NGLY1: variants seen among roughly 807,000 people sequenced by gnomAD.
NGLY1 encodes the protein peptide-N(4)-(N-acetyl-beta-glucosaminyl)asparagine amidase.
Under a neutral mutation model 84.6 loss-of-function variants are expected in NGLY1, and 68 were observed. That is an observed-to-expected ratio of 0.80 (90% confidence interval 0.66 to 0.98). The LOEUF is 0.98. NGLY1 is among the 50% of genes least tolerant of loss of function. NGLY1 has a pLI of 0.00. For missense variants in NGLY1, 779 were observed against 770.2 expected, an observed-to-expected ratio of 1.01 and a Z score of -0.14; for synonymous variants, 280 against 275.2, an observed-to-expected ratio of 1.02 and a Z score of -0.17.
intron 4 of NGLY1, among the ~76,000 whole-genome samples, chr3:25,746,390 C>T (rs151172616): frequency 5.3e-5 from 8 of 152,104 alleles, no homozygotes; most frequent in Non-Finnish European, 8.8e-5. Context: ...ACTTTTTAAG[C>T]GTGAAAGAAT....
chr3:25,755,457 CAAGCCAAAG>C, intron 3 of NGLY1: 1 of 1,466,568 alleles, frequency 6.8e-7, no homozygotes, highest in Non-Finnish European at 9.6e-7. Flanking sequence ...ATGTCAGTGA[CAAGCCAAAG>C]ATTTAACAGT....
chr3:25,760,629 G>A (rs1030343872), intron 3 of NGLY1, among the ~76,000 whole-genome samples: 14 of 152,216 alleles, frequency 9.2e-5, no homozygotes, highest in Non-Finnish European at 1.6e-4. Context: ...GGAGGCCAAG[G>A]TGGGCGGATC....
At chr3:25,746,861 G>A (rs546811567) in intron 4 of NGLY1, among the ~76,000 whole-genome samples, 4 of 152,138 alleles carry the variant, frequency 2.6e-5, no homozygotes, top group East Asian at 3.9e-4. Context: ...ACGGAGTTTC[G>A]CTCTTTTGCC....
rs1168290356 is a variant in NGLY1 at position 25,764,083 on chromosome 3, G to A, written c.475C>T (p.Pro159Ser). The change falls in exon 3 of 12, where the codon CCA becomes TCA. Residue 159 changes from proline (P) to serine (S), a missense_variant. Coordinates refer to ENST00000280700, the MANE Select transcript of NGLY1 (RefSeq NM_018297.4). ...TRNRQGQSSD[P>S]PSASTVAADS... The stretch of plus-strand genomic sequence containing the variant: ...AACATTACCGTTGAAGCAGATGGTG[G>A]ATCTGATGACTGCCCTTGACGGTTC... The A allele has an allele frequency of 1.2e-6, 2 of 1,614,026 alleles. No individual in the cohort carries two copies. The highest frequency in any genetic ancestry group is 2.2e-5 in the East Asian group (1 of 44,898).
At chr3:25,777,432 C>T (rs1476100911) in intron 2 of NGLY1, among the ~76,000 whole-genome samples, 1 of 149,650 alleles carries the variant, frequency 6.7e-6, no homozygotes, top group Non-Finnish European at 1.5e-5. Flanking sequence ...CCAGTGGCTT[C>T]TCATCTCACT....
rs1470787774 is a variant in NGLY1, at chr3:25,732,451, T to C, written c.1293A>G (p.Lys431=). The C allele has an allele frequency of 4.3e-6, 7 of 1,613,282 alleles. No individual in the cohort carries two copies. The highest frequency in any genetic ancestry group is 2.7e-5 in the African/African-American group (2 of 74,888). Residue 431 remains lysine (K), a synonymous_variant, in exon 9 of 12, where the codon AAA becomes AAG. Coordinates refer to ENST00000280700, the MANE Select transcript of NGLY1 (RefSeq NM_018297.4). The part of the protein sequence containing the change: ...RQLFLSENRR[K]ELLQRIIVEL... ...CCACAATTATCCTCTGGAGAAGTTC[T>C]TTCCTTCTGTTTTCTGACAAAAACA...
At chr3:25,727,019 T>C (rs1038474605) in intron 10 of NGLY1, among the ~76,000 whole-genome samples, 3 of 152,164 alleles carry the variant, frequency 2.0e-5, no homozygotes, top group Non-Finnish European at 2.9e-5. Context: ...TGATACCTGG[T>C]TGGAGATTAC....
intron 9 of NGLY1, among the ~76,000 whole-genome samples, chr3:25,731,080 A>C (rs1309897738): frequency 1.3e-5 from 2 of 152,074 alleles, no homozygotes; most frequent in African/African-American, 4.8e-5. Flanking sequence ...TTGGAAGATT[A>C]ATCATGTGGT....
chr3:25,720,173 C>T lies in NGLY1; in HGVS notation c.1630G>A (p.Glu544Lys). 1.2e-6 allele frequency: 2 copies of T among 1,613,580 alleles called. No homozygotes were observed. Among genetic ancestry groups the T allele is most frequent in the Non-Finnish European group, 1.7e-6 (2 of 1,179,670 alleles). The change falls in exon 11 of 12, where the codon GAA (glutamate) becomes AAA (lysine). Residue 544 changes from glutamate to lysine, a missense_variant. Coordinates refer to ENST00000280700, the MANE Select transcript of NGLY1 (RefSeq NM_018297.4). ...GAAATATAAGCAAAAGATGATCCTT[C>T]CTTTCGGGCCAAATATACCTATAAG... ...DWHMVYLARK[E>K]GSSFAYISWK...
intron 1 of NGLY1, among the ~76,000 whole-genome samples, chr3:25,789,564 C>T (rs1020747719): frequency 6.6e-6 from 1 of 152,160 alleles, no homozygotes; most frequent in Non-Finnish European, 1.5e-5. Flanking sequence ...ATAGTCGCAA[C>T]ATCTCATTAA....
intron 3 of NGLY1, among the ~76,000 whole-genome samples, chr3:25,759,655 A>G (rs924070322): frequency 2.0e-5 from 3 of 152,210 alleles, no homozygotes; most frequent in Non-Finnish European, 4.4e-5. Flanking sequence ...CTGGGTAACC[A>G]TGTACTAATG....
intron 3 of NGLY1, among the ~76,000 whole-genome samples, chr3:25,761,729 C>T (rs148064301): frequency 6.6e-6 from 1 of 152,254 alleles, no homozygotes; most frequent in East Asian, 1.9e-4. Flanking sequence ...GAAATAAAAA[C>T]ATATGTCTAC....
chr3:25,777,388 T>G (rs1575664842), intron 2 of NGLY1, among the ~76,000 whole-genome samples: 1 of 77,562 alleles, frequency 1.3e-5, no homozygotes, highest in African/African-American at 4.5e-5. Context: ...AGAGCGAAAC[T>G]CCATCTCAAA....
At chr3:25,786,714 G>A (rs1708610061), upstream of NGLY1, among the ~76,000 whole-genome samples, 1 of 152,188 alleles carries the variant, frequency 6.6e-6, no homozygotes, top group East Asian at 1.9e-4. Flanking sequence ...GAGTTATTTG[G>A]AAGGACTTAA....
intron 7 of NGLY1, 24 bp downstream of exon 7, chr3:25,735,980 A>G (rs748660975): frequency 6.4e-7 from 1 of 1,562,668 alleles, no homozygotes; most frequent in Non-Finnish European, 8.6e-7. Context: ...TTTTGGAAAA[A>G]AGTTTTTTTC....
At chr3:25,760,860 C>CAAAAAA (rs760535260) in intron 3 of NGLY1, among the ~76,000 whole-genome samples, 2 of 71,676 alleles carry the variant, frequency 2.8e-5, no homozygotes, top group Non-Finnish European at 4.9e-5. Flanking sequence ...AACTCTGTCT[C>CAAAAAA]AAAAAAAAAA....
At chr3:25,783,518 T>A, upstream of NGLY1, 1 of 806,312 alleles carries the variant, frequency 1.2e-6, no homozygotes, top group Non-Finnish European at 1.4e-6. This position sits in a 1 kb window ranked among gnomAD's most constrained non-coding sequence, Gnocchi z 4.5. Context: ...AGGGGCGGGG[T>A]CCTCGGCCGG....
At chr3:25,762,055 T>G (rs1470248776) in intron 3 of NGLY1, among the ~76,000 whole-genome samples, 1 of 152,210 alleles carries the variant, frequency 6.6e-6, no homozygotes. Flanking sequence ...TATCAATATA[T>G]TCCAGTATTT....
intron 4 of NGLY1, among the ~76,000 whole-genome samples, chr3:25,744,523 G>A (rs749895260): frequency 6.6e-6 from 1 of 152,190 alleles, no homozygotes; most frequent in Non-Finnish European, 1.5e-5. Context: ...CTTGGCCAGC[G>A]GGGGCTTCGT....
Sources: allele counts gnomAD v4.1 joint callset (sites outside exome capture counted in the v4.1 genomes callset), GRCh38; gene constraint gnomAD v4.1.1; non-coding constraint Gnocchi (gnomAD v3.1); transcripts MANE v1.5; gene names NCBI Gene and HGNC (gene_info 2026-07-23, HGNC 2026-07-21).